NHP2: variants seen among roughly 807,000 people sequenced by gnomAD.
The protein encoded by NHP2 is NHP2 ribonucleoprotein.
NHP2 carries 10 observed loss-of-function variants against 16.7 expected under a neutral mutation model. That is an observed-to-expected ratio of 0.60 (90% CI 0.37 to 1.01). NHP2 has a LOEUF of 1.01. Among genes scored for constraint, NHP2 ranks in the 50% least tolerant of loss-of-function variants. The pLI, the probability that NHP2 is intolerant of heterozygous loss-of-function variation, is 0.01. For missense variants in NHP2, 184 were observed against 198.3 expected (o/e 0.93, Z 0.43); for synonymous variants, 87 against 78.9 (o/e 1.10, Z -0.54).
At chr5:178,151,874 C>A (rs13189047) in intron 2 of NHP2, among the ~76,000 whole-genome samples, 37,844 of 151,890 alleles carry the variant, frequency 0.25, 5,321 homozygotes, top group African/African-American at 0.38. Context: ...TGGTGTGGGG[C>A]GGGGTGGAAG....
chr5:178,152,945 G>T (rs979384519), intron 2 of NHP2, among the ~76,000 whole-genome samples: 4 of 152,194 alleles, frequency 2.6e-5, no homozygotes, highest in Admixed American at 6.5e-5. Context: ...AATAACAACA[G>T]CCAGGCGTGG....
chr5:178,150,909 A>G lies in NHP2; in HGVS notation c.315T>C (p.Tyr105=), dbSNP rs1346869522. Residue 105 remains tyrosine (Y), a synonymous_variant, in exon 3 of 4, where the codon TAT becomes TAC. Coordinates refer to ENST00000274606, the MANE Select transcript of NHP2 (RefSeq NM_017838.4). ...TTACCGTCTTAGAGGGGATATAGAC[A>G]TAGGGCAAATTTCGGTCCTCACACA... ...PVMCEDRNLP[Y]VYIPSKTDLG... The G allele has an allele frequency of 6.2e-7, 1 of 1,613,828 alleles. No homozygotes were observed. The highest frequency in any genetic ancestry group is 1.7e-5 in the Admixed American group (1 of 60,014).
At chr5:178,153,424 CCTA>C in intron 2 of NHP2, 64 bp downstream of exon 2, 3 of 1,532,266 alleles carry the variant, frequency 2.0e-6, no homozygotes, top group Non-Finnish European at 2.7e-6. Flanking sequence ...TTACTGCGCG[CCTA>C]CTAAGTAGAG....
At chr5:178,153,622 G>A (rs769799789) in intron 1 of NHP2, 36 bp downstream of exon 1, 11 of 1,612,150 alleles carry the variant, frequency 6.8e-6, no homozygotes, top group South Asian at 2.2e-5. Flanking sequence ...CATCCCACCC[G>A]CGCACCCATC....
At chr5:178,151,721 T>A (rs1429257110) in intron 2 of NHP2, among the ~76,000 whole-genome samples, 3 of 152,104 alleles carry the variant, frequency 2.0e-5, no homozygotes, top group East Asian at 3.9e-4. Flanking sequence ...TCTCAGGACC[T>A]TCTTCCTGGC....
chr5:178,150,908 CAT>C lies in NHP2; in HGVS notation c.314_315del (p.Tyr105CysfsTer6), dbSNP rs1756261447. 3 of 1,613,674 alleles carry C rather than the reference CAT, an allele frequency of 1.9e-6. No homozygotes were observed. The highest frequency in any genetic ancestry group is 1.3e-5 in the African/African-American group (1 of 74,914). ...CTTACCGTCTTAGAGGGGATATAGA[CAT>C]AGGGCAAATTTCGGTCCTCACACAT... The part of the protein sequence containing the change: ...PVMCEDRNLP[Y>X]VYIPSKTDLG... On this transcript the variant is annotated frameshift_variant, in exon 3 of 4. Coordinates refer to ENST00000274606, the MANE Select transcript of NHP2 (RefSeq NM_017838.4). LOFTEE classifies it high-confidence loss of function.
chr5:178,153,335 G>A (rs1756320950), intron 2 of NHP2, 156 bp downstream of exon 2: 2 of 748,464 alleles, frequency 2.7e-6, no homozygotes, highest in Admixed American at 2.0e-5. Context: ...CGGTATTGTC[G>A]TACCGGTATT....
At chr5:178,150,682 C>T (rs1040556834) in intron 3 of NHP2, 6 of 710,684 alleles carry the variant, frequency 8.4e-6, no homozygotes, top group Non-Finnish European at 1.5e-5. Context: ...AGCGCCTGGG[C>T]TGGGATTCCC....
At chr5:178,153,326 G>C in intron 2 of NHP2, 165 bp downstream of exon 2, 4 of 727,984 alleles carry the variant, frequency 5.5e-6, no homozygotes, top group Non-Finnish European at 1.0e-5. Context: ...GTGGTGTACC[G>C]GTATTGTCGT....
Position 178,153,801 on chromosome 5 carries a change from G to A in NHP2, c.17C>T (p.Ala6Val), listed in dbSNP as rs1211703130. 5.0e-6 allele frequency: 8 copies of A among 1,610,782 alleles called. No individual in the cohort carries two copies. Among genetic ancestry groups the A allele is most frequent in the South Asian group, 2.2e-5 (2 of 90,710 alleles). MTKIK[A>V]DPDGPEAQAE... The stretch of plus-strand genomic sequence containing the variant: ...CTGAGCCTCGGGCCCGTCGGGATCT[G>A]CCTTTATTTTGGTCATCGCAGCGGC... Residue 6 changes from alanine (A) to valine (V), a missense_variant, in exon 1 of 4, where the codon GCA becomes GTA. By Grantham distance (64) the Ala-to-Val change is moderately conservative. Transcript: ENST00000274606.
intron 3 of NHP2, 179 bp downstream of exon 3, chr5:178,150,709 A>G (rs1756253365): frequency 1.3e-6 from 1 of 746,824 alleles, no homozygotes; most frequent in South Asian, 1.4e-5. Flanking sequence ...CAAGATGGGA[A>G]CTGAAATGCA....
In NHP2 at chr5:178,149,708, G is replaced by C; in HGVS notation, c.*5C>G. 2 of 1,613,476 alleles carry C rather than the reference G, an allele frequency of 1.2e-6. No homozygotes were observed. Among genetic ancestry groups the C allele is most frequent in the Non-Finnish European group, 1.7e-6 (2 of 1,179,938 alleles). ...CGGCAGGTGCCCAGGTGCTACCGGA[G>C]CCCCTCATAGGGGTAGGGGCAGGGA... On this transcript the variant is annotated 3_prime_UTR_variant, in exon 4 of 4. Transcript: ENST00000274606.
chr5:178,153,680 C>A lies in NHP2; in HGVS notation c.138G>T (p.Lys46Asn). The change falls in exon 1 of 4, where the codon AAG becomes AAT. Residue 46 changes from lysine (K) to asparagine (N), a missense_variant. Transcript: ENST00000274606. ...CACCTTTCTTGATGCATTTGTAGAG[C>A]TTCCGCGTGAGGCGGCGAGAAGCCA... ...QPLASRRLTR[K>N]LYKCIKKAVK... 1 of 1,614,050 alleles carries A rather than the reference C, an allele frequency of 6.2e-7. No individual in the cohort carries two copies. The highest frequency in any genetic ancestry group is 8.5e-7 in the Non-Finnish European group (1 of 1,179,950).
intron 3 of NHP2, 47 bp from the exon 4 acceptor site, chr5:178,149,885 G>A (rs956276970): frequency 6.2e-7 from 1 of 1,605,468 alleles, no homozygotes; most frequent in African/African-American, 1.3e-5. Flanking sequence ...TGTACAACCT[G>A]TATGCCAGGA....
intron 2 of NHP2, among the ~76,000 whole-genome samples, chr5:178,151,662 C>G (rs1581136925): frequency 6.6e-6 from 1 of 152,132 alleles, no homozygotes; most frequent in Non-Finnish European, 1.5e-5. Flanking sequence ...CTGTTAAGCG[C>G]CTTTCACTGT....
At chr5:178,151,393 T>C (rs1756274601) in intron 2 of NHP2, among the ~76,000 whole-genome samples, 1 of 152,036 alleles carries the variant, frequency 6.6e-6, no homozygotes, top group Non-Finnish European at 1.5e-5. Flanking sequence ...CCCCAAGACC[T>C]TGAGTACCAG....
intron 2 of NHP2, among the ~76,000 whole-genome samples, chr5:178,151,904 C>G (rs1413125903): frequency 6.6e-6 from 1 of 152,108 alleles, no homozygotes; most frequent in Non-Finnish European, 1.5e-5. Flanking sequence ...TCTACAGCAC[C>G]TCAAAAACTT....
rs1430922884 is a variant in NHP2, at chr5:178,153,672, T to G, written c.146A>C (p.Lys49Thr). Residue 49 changes from lysine (K) to threonine (T), a missense_variant, in exon 1 of 4, where the codon AAA becomes ACA. Coordinates refer to ENST00000274606, the MANE Select transcript of NHP2 (RefSeq NM_017838.4). ...GTCCGCCTCACCTTTCTTGATGCAT[T>G]TGTAGAGCTTCCGCGTGAGGCGGCG... The part of the protein sequence containing the change: ...ASRRLTRKLY[K>T]CIKKAVKQKQ... 1 of 1,613,800 alleles carries G rather than the reference T, an allele frequency of 6.2e-7. No individual in the cohort carries two copies. Among genetic ancestry groups the G allele is most frequent in the Non-Finnish European group, 8.5e-7 (1 of 1,179,924 alleles).
At chr5:178,152,290 G>A (rs1378079092) in intron 2 of NHP2, among the ~76,000 whole-genome samples, 1 of 152,004 alleles carries the variant, frequency 6.6e-6, no homozygotes, top group East Asian at 1.9e-4. Flanking sequence ...TGTCCTACAA[G>A]GCCCCCTAAG....
Sources: allele counts gnomAD v4.1 joint callset (sites outside exome capture counted in the v4.1 genomes callset), GRCh38; gene constraint gnomAD v4.1.1; transcripts MANE v1.5; gene names NCBI Gene and HGNC (gene_info 2026-07-23, HGNC 2026-07-21).